The following VWA8 variants were observed in gnomAD, a reference collection of about 807,000 sequenced individuals.
The protein encoded by VWA8 is von Willebrand factor A domain-containing protein 8.
Under a neutral mutation model 241.5 loss-of-function variants are expected in VWA8, and 221 were observed. The ratio of observed to expected loss-of-function variants is 0.91; its 90% CI spans 0.82 to 1.02. The LOEUF (loss-of-function observed/expected upper bound fraction) is 1.02. VWA8 is among the 50% of genes least tolerant of loss of function. The probability of loss-of-function intolerance (pLI) is 0.00; values close to 1 mark genes in which losing one functional copy is unlikely to be tolerated. For missense variants in VWA8, 2,322 were observed against 2,328.7 expected (o/e 1.00, Z 0.06); for synonymous variants, 852 against 827.1 (o/e 1.03, Z -0.52).
chr13:41,612,270 T>TG (rs2044594083), intron 38 of VWA8, among the ~76,000 whole-genome samples: 1 of 152,218 alleles, frequency 6.6e-6, no homozygotes, highest in Admixed American at 6.5e-5. Context: ...AGAGGCTAAA[T>TG]GACATATTCA....
chr13:41,838,586 A>C (rs887380477), intron 12 of VWA8, among the ~76,000 whole-genome samples: 1 of 152,176 alleles, frequency 6.6e-6, no homozygotes, highest in Admixed American at 6.5e-5. Context: ...GAGTTGCAAA[A>C]ATATGCTTAA....
chr13:41,912,245 A>T, intron 2 of VWA8, 77 bp from the exon 3 acceptor site: 1 of 1,104,594 alleles, frequency 9.1e-7, no homozygotes, highest in South Asian at 2.3e-5. Context: ...ATGTGGACAT[A>T]TTTATATATA....
intron 16 of VWA8, among the ~76,000 whole-genome samples, chr13:41,812,840 T>C (rs781248693): frequency 3.3e-5 from 5 of 152,142 alleles, no homozygotes; most frequent in Non-Finnish European, 5.9e-5. Flanking sequence ...TTCAATTAAT[T>C]TGCATTCCAG....
chr13:41,719,191 TAAAGA>T (rs1225253993), intron 26 of VWA8: 2 of 396,432 alleles, frequency 5.0e-6, no homozygotes, highest in Non-Finnish European at 6.9e-6. Flanking sequence ...AAAATTATCA[TAAAGA>T]AAACTATATA....
intron 12 of VWA8, among the ~76,000 whole-genome samples, chr13:41,863,120 G>A (rs998304457): frequency 3.3e-5 from 5 of 151,912 alleles, no homozygotes; most frequent in African/African-American, 4.8e-5. Context: ...TTAATCTGGT[G>A]GGCATCATCT....
intron 21 of VWA8, among the ~76,000 whole-genome samples, chr13:41,758,398 G>GTGTATATATATA (rs1412122391): frequency 1.2e-4 from 3 of 25,020 alleles, no homozygotes; most frequent in South Asian, 2.0e-3. Context: ...ATATACGCTA[G>GTGTATATATATA]TATATATATA....
At position 41,788,418 on chromosome 13, in the gene VWA8, C is replaced by T. The variant is rs150343156; in HGVS notation, c.2064-875G>A. Among the ~76,000 whole-genome samples the T allele has an allele frequency of 1.1e-4, 16 of 152,254 alleles. No homozygotes were observed. The East Asian group carries it at 2.9e-3, about 28-fold the overall frequency. On this transcript the variant is annotated intron_variant, in intron 17 of 44. Coordinates refer to ENST00000379310, the MANE Select transcript of VWA8 (RefSeq NM_015058.2). ...GAGCATGAGGCAGCAAATAGACAAG[C>T]ATGTAAAGAACTGTCAGATTTCCTG...
chr13:41,693,916 T>C (rs1006800411), intron 29 of VWA8, among the ~76,000 whole-genome samples: 11 of 151,990 alleles, frequency 7.2e-5, no homozygotes, highest in African/African-American at 2.7e-4. Context: ...TTCTTTGTTT[T>C]ATTTTATTTT....
At chr13:41,764,785 C>T (rs749796452) in intron 20 of VWA8, among the ~76,000 whole-genome samples, 1 of 151,926 alleles carries the variant, frequency 6.6e-6, no homozygotes, top group Non-Finnish European at 1.5e-5. Flanking sequence ...GGGTTTAAGT[C>T]TGGCTAAGCC....
At chr13:41,729,735 T>C in intron 22 of VWA8, 58 bp from the exon 23 acceptor site, 1 of 1,571,980 alleles carries the variant, frequency 6.4e-7, no homozygotes, top group Non-Finnish European at 8.6e-7. Context: ...TTATTAAAAC[T>C]TCATTACTTA....
intron 39 of VWA8, among the ~76,000 whole-genome samples, chr13:41,609,752 CA>C (rs2139659492): frequency 6.6e-6 from 1 of 152,252 alleles, no homozygotes; most frequent in South Asian, 2.1e-4. Context: ...TCCTTTCTCA[CA>C]CGCTTGGCCA....
intron 4 of VWA8, among the ~76,000 whole-genome samples, chr13:41,897,264 C>T (rs559157165): frequency 6.6e-6 from 1 of 151,910 alleles, no homozygotes; most frequent in Non-Finnish European, 1.5e-5. Context: ...TCTGAACAGA[C>T]ATTTCTCAAA....
intron 17 of VWA8, among the ~76,000 whole-genome samples, chr13:41,795,843 C>T (rs1869674600): frequency 6.6e-6 from 1 of 152,056 alleles, no homozygotes; most frequent in South Asian, 2.1e-4. Flanking sequence ...AATATAGATC[C>T]TGGGCTTAAT....
intron 21 of VWA8, among the ~76,000 whole-genome samples, chr13:41,748,650 C>G (rs1055250988): frequency 2.0e-5 from 3 of 151,824 alleles, no homozygotes; most frequent in Admixed American, 1.3e-4. Context: ...GGTACTGGTA[C>G]CAAAACAGAG....
chr13:41,586,619 T>C (rs1035283432), intron 42 of VWA8, among the ~76,000 whole-genome samples: 3 of 152,286 alleles, frequency 2.0e-5, no homozygotes, highest in Middle Eastern at 3.4e-3. Flanking sequence ...GTTTCATCAA[T>C]CTGTTTCTTG....
At chr13:41,623,108 A>G (rs1256373211) in intron 37 of VWA8, among the ~76,000 whole-genome samples, 1 of 152,146 alleles carries the variant, frequency 6.6e-6, no homozygotes, top group Non-Finnish European at 1.5e-5. Flanking sequence ...CTTCCCAGGT[A>G]AAAGAAGAGA....
intron 12 of VWA8, chr13:41,865,323 T>C (rs749570106): frequency 8.4e-5 from 33 of 394,424 alleles, no homozygotes; most frequent in Non-Finnish European, 1.4e-4. Context: ...GCTGGAACAT[T>C]TGAATTATTA....
At chr13:41,750,836 ACT>A (rs1403822728) in intron 21 of VWA8, among the ~76,000 whole-genome samples, 2 of 151,940 alleles carry the variant, frequency 1.3e-5, no homozygotes, top group Non-Finnish European at 2.9e-5. Context: ...TCTTATGAAC[ACT>A]GTTGAAATGA....
chr13:41,641,457 T>A (rs2139681584), intron 37 of VWA8, among the ~76,000 whole-genome samples: 1 of 152,370 alleles, frequency 6.6e-6, no homozygotes, highest in South Asian at 2.1e-4. Context: ...TATTTCACTT[T>A]GAAATCTCTT....
Sources: allele counts gnomAD v4.1 joint callset (sites outside exome capture counted in the v4.1 genomes callset), GRCh38; gene constraint gnomAD v4.1.1; transcripts MANE v1.5; gene names NCBI Gene and HGNC (gene_info 2026-07-23, HGNC 2026-07-21).